The following LINC00305 variants were observed in gnomAD, a reference collection of about 807,000 sequenced individuals.
LINC00305 encodes long independently transcribed non-coding RNA 305.
intron 1 of LINC00305, among the ~76,000 whole-genome samples, chr18:64,143,545 A>G (rs1310982512): frequency 1.1e-5 from 1 of 90,142 alleles, no homozygotes; most frequent in East Asian, 2.8e-4. Context: ...ATATATATGT[A>G]CACATATTAT....
At chr18:64,148,529 T>G (rs1418302586) in intron 1 of LINC00305, among the ~76,000 whole-genome samples, 3 of 152,070 alleles carry the variant, frequency 2.0e-5, no homozygotes, top group Non-Finnish European at 4.4e-5. Context: ...TGGAACAAGG[T>G]TCCCTTTCTC....
intron 1 of LINC00305, chr18:64,147,460 T>G (rs2051503484): frequency 6.6e-6 from 1 of 152,212 alleles, no homozygotes; most frequent in Non-Finnish European, 1.5e-5. Flanking sequence ...CTGCTCTATC[T>G]TCTGTTTTTA....
chr18:64,101,284 A>T lies in LINC00305; in HGVS notation n.315-2644T>A, dbSNP rs184799949. 1.3e-3 allele frequency among the ~76,000 whole-genome samples: 202 copies of T among 152,320 alleles called. 1 individual carries two copies. Among genetic ancestry groups the T allele is most frequent in the Non-Finnish European group, 2.4e-3 (164 of 68,020 alleles). ...CCTTAGGGTAAAGATAACAGTGCTC[A>T]TATGGGAACAATGCCCTCTGTATTG... On this transcript the variant is annotated intron_variant and non_coding_transcript_variant, in intron 1 of 3. Coordinates refer to ENST00000666468, the Ensembl canonical transcript of LINC00305.
intron 1 of LINC00305, among the ~76,000 whole-genome samples, chr18:64,144,824 AG>A (rs1286678590): frequency 1.3e-5 from 2 of 152,226 alleles, no homozygotes; most frequent in African/African-American, 4.8e-5. Context: ...TTCCCCCTGC[AG>A]AGGGCCTATG....
intron 3 of LINC00305, among the ~76,000 whole-genome samples, chr18:64,094,853 C>T (rs948742079): frequency 3.6e-5 from 3 of 82,778 alleles, no homozygotes; most frequent in Non-Finnish European, 4.8e-5. Context: ...GACTTCATCT[C>T]AAAAAATAAA....
At chr18:64,091,411 A>C (rs1263033114) in intron 3 of LINC00305, among the ~76,000 whole-genome samples, 2 of 152,142 alleles carry the variant, frequency 1.3e-5, no homozygotes, top group East Asian at 1.9e-4. Flanking sequence ...GTTTCGTTGG[A>C]CTTCATGTGC....
intron 1 of LINC00305, among the ~76,000 whole-genome samples, chr18:64,104,890 C>T (rs2051283147): frequency 6.6e-6 from 1 of 151,946 alleles, no homozygotes; most frequent in Non-Finnish European, 1.5e-5. Flanking sequence ...TCTACCCTTC[C>T]TCCTCCAGGC....
intron 1 of LINC00305, among the ~76,000 whole-genome samples, chr18:64,135,373 T>G (rs2051428199): frequency 6.6e-6 from 1 of 152,130 alleles, no homozygotes; most frequent in Non-Finnish European, 1.5e-5. Context: ...GACTTCTTTC[T>G]TTTCAGCTTG....
intron 1 of LINC00305, among the ~76,000 whole-genome samples, chr18:64,143,518 A>G (rs2051474744): frequency 6.7e-6 from 1 of 148,556 alleles, no homozygotes; most frequent in Non-Finnish European, 1.5e-5. Context: ...TACCATCAAT[A>G]TACATATTAT....
intron 1 of LINC00305, among the ~76,000 whole-genome samples, chr18:64,120,965 G>A (rs1483769957): frequency 6.6e-6 from 1 of 151,904 alleles, no homozygotes; most frequent in Non-Finnish European, 1.5e-5. Context: ...ATTACTCATA[G>A]GCATGTGCTC....
intron 3 of LINC00305, among the ~76,000 whole-genome samples, chr18:64,097,186 T>A (rs969495630): frequency 5.9e-5 from 9 of 152,228 alleles, no homozygotes; most frequent in African/African-American, 2.2e-4. Context: ...AGTTGTAATA[T>A]GTGTTTATCG....
chr18:64,126,516 C>T (rs2051386018), intron 1 of LINC00305, among the ~76,000 whole-genome samples: 1 of 152,114 alleles, frequency 6.6e-6, no homozygotes, highest in Non-Finnish European at 1.5e-5. Flanking sequence ...GGCTCTCGCT[C>T]AGCCTCTATG....
intron 1 of LINC00305, among the ~76,000 whole-genome samples, chr18:64,120,688 C>T (rs1291169947): frequency 2.0e-5 from 3 of 152,108 alleles, no homozygotes; most frequent in Non-Finnish European, 4.4e-5. Context: ...TTCTAGAGAG[C>T]AAGGCATGAA....
Position 64,126,599 on chromosome 18 carries a change from C to A in LINC00305, n.314+22176G>T, listed in dbSNP as rs112997391. On this transcript the variant is annotated intron_variant and non_coding_transcript_variant, in intron 1 of 3. Coordinates refer to ENST00000666468, the Ensembl canonical transcript of LINC00305. ...AATAATTTATTCATTCATCTCCTTCCCTTCTTAGTATGGGAATTCTGAGAC... is the reference window on the plus strand; with the variant it reads ...AATAATTTATTCATTCATCTCCTTCACTTCTTAGTATGGGAATTCTGAGAC... Among the ~76,000 whole-genome samples the A allele has an allele frequency of 8.1e-3, 1,236 of 152,148 alleles. 17 individuals carry two copies. The highest frequency in any genetic ancestry group is 0.028 in the African/African-American group (1,182 of 41,534).
chr18:64,114,288 T>C (rs2051328129), intron 1 of LINC00305, among the ~76,000 whole-genome samples: 1 of 152,128 alleles, frequency 6.6e-6, no homozygotes, highest in Admixed American at 6.5e-5. Context: ...AGTGCAAACT[T>C]TCCAAAGAGG....
intron 1 of LINC00305, among the ~76,000 whole-genome samples, chr18:64,129,032 T>C (rs2051397904): frequency 6.6e-6 from 1 of 152,192 alleles, no homozygotes; most frequent in Non-Finnish European, 1.5e-5. Context: ...TGGAAGATAT[T>C]GTCTATTATG....
At chr18:64,129,223 AATT>A (rs1275312634) in intron 1 of LINC00305, among the ~76,000 whole-genome samples, 2 of 152,124 alleles carry the variant, frequency 1.3e-5, no homozygotes, top group Non-Finnish European at 2.9e-5. Context: ...GACTTTCTGG[AATT>A]CTAGTACTAA....
At chr18:64,099,266 C>A (rs1004949350) in intron 1 of LINC00305, among the ~76,000 whole-genome samples, 1 of 152,074 alleles carries the variant, frequency 6.6e-6, no homozygotes, top group African/African-American at 2.4e-5. Context: ...TACATGTGTA[C>A]TCTCTAAATT....
intron 1 of LINC00305, among the ~76,000 whole-genome samples, chr18:64,130,555 T>C (rs1312198854): frequency 1.3e-5 from 2 of 152,190 alleles, no homozygotes; most frequent in African/African-American, 4.8e-5. Flanking sequence ...AAATTTTACT[T>C]ACCTTATGCA....
Sources: gnomAD v4.1 joint callset for allele counts (sites outside exome capture counted in the v4.1 genomes callset) on GRCh38, gnomAD v4.1.1 for gene constraint, MANE v1.5 for transcripts, NCBI Gene and HGNC (gene_info 2026-07-23, HGNC 2026-07-21) for gene names.